The following MOSPD2 variants were observed in gnomAD, a reference collection of about 807,000 sequenced individuals.
MOSPD2 encodes the protein motile sperm domain containing 2.
Under a neutral mutation model 41.7 loss-of-function variants are expected in MOSPD2, and 5 were observed. The ratio of observed to expected loss-of-function variants is 0.12; its 90% confidence interval spans 0.06 to 0.25. The LOEUF is 0.25. MOSPD2 is among the 10% of genes least tolerant of loss of function. The pLI is 1.00. For missense variants in MOSPD2, 282 were observed against 375.2 expected (o/e 0.75, Z 2.05); for synonymous variants, 115 against 126.9 (o/e 0.91, Z 0.63).
At chrX:14,900,780 T>G in intron 6 of MOSPD2, 145 bp downstream of exon 6, 1 of 331,752 alleles carries the variant, frequency 3.0e-6, no homozygotes, top group Non-Finnish European at 5.3e-6. Context: ...TCATAGACAT[T>G]ATTGTAACAC....
Position 14,873,425 on chromosome X carries a change from T to G in MOSPD2, c.-104T>G, listed in dbSNP as rs1008792767. 2 of 1,129,727 alleles carry G rather than the reference T, an allele frequency of 1.8e-6. No individual in the cohort carries two copies. Among genetic ancestry groups the G allele is most frequent in the African/African-American group, 3.6e-5 (2 of 55,970 alleles). 93.1% of individuals were successfully genotyped at this position (1,129,727 alleles called of 1,213,427 possible). A position where few individuals can be genotyped will look rare whatever the true frequency, so the allele number is the denominator to read the frequency against. ...ACGCGACCGCCTCCCCCTCCCACCC[T>G]TCTCTGTCTACCTCTGGGCGGGACT... is the stretch of plus-strand genomic sequence containing the variant. On this transcript the variant is annotated 5_prime_UTR_variant, in exon 1 of 15. Coordinates refer to ENST00000380492, the MANE Select transcript of MOSPD2 (RefSeq NM_152581.4).
chrX:14,893,648 T>G (rs1378734887), intron 3 of MOSPD2, among the ~76,000 whole-genome samples: 1 of 112,438 alleles, frequency 8.9e-6, no homozygotes, highest in Admixed American at 9.4e-5. Flanking sequence ...GACTTCAATC[T>G]GAAGACTTAA....
At chrX:14,888,957 G>A (rs1013753871) in intron 2 of MOSPD2, among the ~76,000 whole-genome samples, 3 of 111,689 alleles carry the variant, frequency 2.7e-5, no homozygotes, top group Non-Finnish European at 3.8e-5. Context: ...CTGAGGCTGA[G>A]TGATTTATAA....
At chrX:14,912,955 C>T (rs1003996784) in intron 10 of MOSPD2, among the ~76,000 whole-genome samples, 3 of 112,063 alleles carry the variant, frequency 2.7e-5, no homozygotes, top group Non-Finnish European at 5.6e-5. Flanking sequence ...TGTCCCTTTA[C>T]TTGAAACCTT....
chrX:14,894,808 A>G (rs2092560206), intron 3 of MOSPD2, among the ~76,000 whole-genome samples: 1 of 111,217 alleles, frequency 9.0e-6, no homozygotes, highest in African/African-American at 3.3e-5. Flanking sequence ...ATTAAAGTCT[A>G]CTAGATAACA....
chrX:14,891,655 C>T (rs2092554165), intron 2 of MOSPD2, among the ~76,000 whole-genome samples: 1 of 108,581 alleles, frequency 9.2e-6, no homozygotes, highest in Admixed American at 9.8e-5. Context: ...GCAACCTCCA[C>T]CTCCCGGGTT....
At chrX:14,891,938 A>T (rs886467693) in intron 2 of MOSPD2, among the ~76,000 whole-genome samples, 5 of 111,934 alleles carry the variant, frequency 4.5e-5, no homozygotes, top group African/African-American at 6.5e-5. Flanking sequence ...ATTTCTTTAC[A>T]TATGAAATTT....
chrX:14,896,561 C>T (rs2092563518), intron 4 of MOSPD2, among the ~76,000 whole-genome samples: 2 of 111,589 alleles, frequency 1.8e-5, no homozygotes, highest in Admixed American at 1.9e-4. Context: ...TGAAAGTGCC[C>T]TAGAGTTTCA....
intron 4 of MOSPD2, among the ~76,000 whole-genome samples, chrX:14,895,980 G>A (rs755816808): frequency 1.8e-5 from 2 of 111,152 alleles, no homozygotes; most frequent in East Asian, 5.7e-4. Flanking sequence ...CTCCTCCATA[G>A]CATGTGGTCC....
Position 14,908,966 on chromosome X carries a change from T to C in MOSPD2, c.684T>C (p.Pro228=). 1 of 1,159,982 alleles carries C rather than the reference T, an allele frequency of 8.6e-7. No individual in the cohort carries two copies. Among genetic ancestry groups the C allele is most frequent in the Middle Eastern group, 2.4e-4 (1 of 4,117 alleles). ...VQDYVSVEYL[P]PHMGGTDPFK... ...ACTATGTCAGTGTAGAATACCTGCC[T>C]CCCCACATGGGTGGAACTGTAAGTA... The change falls in exon 8 of 15, where the codon CCT becomes CCC. Residue 228 remains proline, a synonymous_variant. Transcript: ENST00000380492.
chrX:14,907,445 G>A (rs1490133675), intron 7 of MOSPD2, among the ~76,000 whole-genome samples: 3 of 112,110 alleles, frequency 2.7e-5, no homozygotes, highest in Non-Finnish European at 5.6e-5. Flanking sequence ...ACAAAAAGTG[G>A]AAACAGCCTA....
At chrX:14,908,134 G>A (rs1284171532) in intron 7 of MOSPD2, among the ~76,000 whole-genome samples, 1 of 110,933 alleles carries the variant, frequency 9.0e-6, no homozygotes, top group Admixed American at 9.6e-5. Context: ...TGAAAATGAG[G>A]TTTAAAAATT....
At chrX:14,909,091 T>C in intron 8 of MOSPD2, 107 bp downstream of exon 8, 1 of 630,483 alleles carries the variant, frequency 1.6e-6, no homozygotes, top group Non-Finnish European at 2.2e-6. Flanking sequence ...TGCAAAGAAA[T>C]ATCACAGATA....
At chrX:14,901,189 A>G (rs2092572550) in intron 6 of MOSPD2, among the ~76,000 whole-genome samples, 1 of 111,595 alleles carries the variant, frequency 9.0e-6, no homozygotes, top group Non-Finnish European at 1.9e-5. Flanking sequence ...CTATTCCATT[A>G]ATTACCTGAA....
chrX:14,895,533 A>AT, intron 4 of MOSPD2, 139 bp downstream of exon 4: 1 of 436,145 alleles, frequency 2.3e-6, no homozygotes, highest in Non-Finnish European at 4.0e-6. Context: ...TGGCAGGACC[A>AT]TTTTTACAGA....
chrX:14,919,867 A>C lies in MOSPD2; in HGVS notation c.*58A>C. On this transcript the variant is annotated 3_prime_UTR_variant, in exon 15 of 15. Transcript: ENST00000380492. ...TCGTCCATTAGTTGGAAAAAGTAAC[A>C]GACCTAAAACTCTACCAAGCTACTA... 3 of 1,168,824 alleles carry C rather than the reference A, an allele frequency of 2.6e-6. No individual in the cohort carries two copies. In the South Asian group the frequency reaches 6.1e-5, roughly 24 times the overall value.
At chrX:14,897,318 A>G (rs1445197005) in intron 5 of MOSPD2, 80 bp downstream of exon 5, 4 of 840,168 alleles carry the variant, frequency 4.8e-6, no homozygotes, top group Non-Finnish European at 6.6e-6. Context: ...CCAACCACAT[A>G]TTGCTGTAAA....
intron 14 of MOSPD2, among the ~76,000 whole-genome samples, chrX:14,919,303 C>T (rs188538709): frequency 2.5e-3 from 279 of 112,084 alleles, no homozygotes; most frequent in Middle Eastern, 0.018. Flanking sequence ...GCACAAGGTA[C>T]TTTGGGGAGT....
intron 2 of MOSPD2, among the ~76,000 whole-genome samples, chrX:14,876,886 G>A (rs1426044079): frequency 8.9e-6 from 1 of 111,974 alleles, no homozygotes; most frequent in African/African-American, 3.3e-5. Context: ...ACATCTGGCT[G>A]GGGTGACTAG....
Sources: gnomAD v4.1 joint callset for allele counts (sites outside exome capture counted in the v4.1 genomes callset) on GRCh38, gnomAD v4.1.1 for gene constraint, MANE v1.5 for transcripts, NCBI Gene and HGNC (gene_info 2026-07-23, HGNC 2026-07-21) for gene names.